RBFOX3: variants seen among roughly 807,000 people sequenced by gnomAD.
RBFOX3 encodes RNA binding protein fox-1 homolog 3.
A neutral mutation model predicts 48.7 loss-of-function variants in RBFOX3; 17 were observed. The ratio of observed to expected loss-of-function variants is 0.35; its 90% confidence interval spans 0.24 to 0.52. RBFOX3 has a LOEUF of 0.52. Among genes scored for constraint, RBFOX3 ranks in the 20% least tolerant of loss-of-function variants. The pLI is 0.94. For missense variants in RBFOX3, 382 were observed against 497.5 expected (o/e 0.77, Z 2.21); for synonymous variants, 212 against 209.5 (o/e 1.01, Z -0.10).
intron 2 of RBFOX3, among the ~76,000 whole-genome samples, chr17:79,456,184 T>C (rs2074460169): frequency 6.6e-6 from 1 of 152,144 alleles, no homozygotes; most frequent in Non-Finnish European, 1.5e-5. Flanking sequence ...AGCCTGTTCC[T>C]CTCTCACGCA....
At chr17:79,601,602 G>T (rs1049357903) in intron 1 of RBFOX3, 2 of 152,128 alleles carry the variant, frequency 1.3e-5, no homozygotes, top group Non-Finnish European at 2.9e-5. Context: ...ATCCTTGGGG[G>T]CTGAAATTTT....
At chr17:79,425,884 T>C (rs1325587655) in intron 2 of RBFOX3, among the ~76,000 whole-genome samples, 3 of 151,808 alleles carry the variant, frequency 2.0e-5, no homozygotes, top group Non-Finnish European at 4.4e-5. Flanking sequence ...CTTCCAGGGA[T>C]CTTGCTGCAA....
intron 5 of RBFOX3, among the ~76,000 whole-genome samples, chr17:79,108,645 C>A (rs1005293183): frequency 6.6e-6 from 1 of 152,256 alleles, no homozygotes; most frequent in Non-Finnish European, 1.5e-5. Context: ...GTCCGGCTGT[C>A]GCCGCCCCCA....
chr17:79,524,094 G>A (rs1309546065), intron 1 of RBFOX3, among the ~76,000 whole-genome samples: 3 of 152,148 alleles, frequency 2.0e-5, no homozygotes, highest in South Asian at 2.1e-4. Context: ...TTGAAGTCCC[G>A]CATTCTATGA....
At chr17:79,170,367 G>A (rs1369502209) in intron 4 of RBFOX3, among the ~76,000 whole-genome samples, 1 of 152,122 alleles carries the variant, frequency 6.6e-6, no homozygotes, top group South Asian at 2.1e-4. Flanking sequence ...GGACCTGAGA[G>A]TCCCCTGCCA....
At chr17:79,424,228 G>A (rs1428171571) in intron 2 of RBFOX3, 2 of 152,348 alleles carry the variant, frequency 1.3e-5, no homozygotes, top group East Asian at 1.9e-4. Flanking sequence ...CACACAGTAG[G>A]GGCTCTCCCA....
intron 2 of RBFOX3, among the ~76,000 whole-genome samples, chr17:79,430,482 A>G (rs1414156609): frequency 6.6e-6 from 1 of 152,134 alleles, no homozygotes; most frequent in African/African-American, 2.4e-5. Context: ...AGTATCAAAT[A>G]CGCTTTTGCA....
In RBFOX3 at chr17:79,554,459, C is replaced by CCCCCGACCTGG. The variant is rs2091443297; in HGVS notation, c.-320+56366_-320+56367insCCAGGTCGGGG. On this transcript the variant is annotated intron_variant, in intron 1 of 14. Coordinates refer to ENST00000693108, the MANE Select transcript of RBFOX3 (RefSeq NM_001350451.2). ...CCCTCTCCATCTTCACTCACAGTCA[C>CCCCCGACCTGG]CCCTCACCTGGCCCTCTCCATCTTC... 1.4e-3 allele frequency among the ~76,000 whole-genome samples: 190 copies of CCCCCGACCTGG among 136,814 alleles called. 10 individuals are homozygous for CCCCCGACCTGG. The highest frequency in any genetic ancestry group is 0.011 in the Middle Eastern group (3 of 270). 89.8% of individuals were successfully genotyped at this position (136,814 alleles called of 152,430 possible). A position where few individuals can be genotyped will look rare whatever the true frequency, so the allele number is the denominator to read the frequency against.
At chr17:79,232,845 A>C (rs1320749352) in intron 4 of RBFOX3, among the ~76,000 whole-genome samples, 1 of 152,254 alleles carries the variant, frequency 6.6e-6, no homozygotes, top group Non-Finnish European at 1.5e-5. Context: ...AAATGGCTAA[A>C]GTTATGAAGA....
At chr17:79,468,500 T>C (rs112605946) in intron 2 of RBFOX3, among the ~76,000 whole-genome samples, 10,186 of 152,052 alleles carry the variant, frequency 0.067, 1,099 homozygotes, top group African/African-American at 0.23. Context: ...GGATGATAGA[T>C]AGATGCATAC....
chr17:79,205,854 C>A lies in RBFOX3; in HGVS notation c.-34+29912G>T, dbSNP rs1211739994. On this transcript the variant is annotated intron_variant, in intron 4 of 14. Coordinates refer to ENST00000693108, the MANE Select transcript of RBFOX3 (RefSeq NM_001350451.2). This position sits in a 1 kb window ranked among gnomAD's most constrained non-coding sequence, Gnocchi z 4.5. ...AGCAGTTGGCTTTTTTTTTTTTTTT[C>A]CTTAAAGTAGTTTGCTTTTACATAG... Among the ~76,000 whole-genome samples the A allele has an allele frequency of 7.6e-6, 1 of 132,266 alleles. No homozygotes were observed. Among genetic ancestry groups the A allele is most frequent in the Non-Finnish European group, 1.6e-5 (1 of 61,992 alleles). The allele number at this position is 132,266 out of a possible 152,430, so 86.8% of individuals were successfully genotyped here. A position where few individuals can be genotyped will look rare whatever the true frequency, so the allele number is the denominator to read the frequency against.
chr17:79,107,245 G>A (rs569521132), intron 5 of RBFOX3, among the ~76,000 whole-genome samples: 2 of 152,166 alleles, frequency 1.3e-5, no homozygotes, highest in Admixed American at 6.5e-5. Context: ...CCGAGGGTCC[G>A]CCTGTCCGAA....
At chr17:79,427,900 ACTT>A (rs2067683975) in intron 2 of RBFOX3, among the ~76,000 whole-genome samples, 1 of 152,204 alleles carries the variant, frequency 6.6e-6, no homozygotes, top group Non-Finnish European at 1.5e-5. Flanking sequence ...TCTCCCAGCC[ACTT>A]CTTTTCCAAA....
intron 2 of RBFOX3, among the ~76,000 whole-genome samples, chr17:79,385,613 C>A (rs1322837566): frequency 6.6e-6 from 1 of 152,212 alleles, no homozygotes; most frequent in Non-Finnish European, 1.5e-5. Flanking sequence ...ACCACGTGTG[C>A]TGCTCCCTCA....
intron 4 of RBFOX3, among the ~76,000 whole-genome samples, chr17:79,118,546 T>C (rs552329118): frequency 1.3e-4 from 20 of 151,982 alleles, no homozygotes; most frequent in African/African-American, 3.9e-4. Context: ...AGAGAAAGTG[T>C]GGAAGGCACA....
chr17:79,563,049 C>A (rs2092309205), intron 1 of RBFOX3, among the ~76,000 whole-genome samples: 1 of 152,238 alleles, frequency 6.6e-6, no homozygotes, highest in African/African-American at 2.4e-5. Context: ...GGCCCCTGCG[C>A]AGCAGCAGAG....
At chr17:79,456,729 C>T (rs869442) in intron 2 of RBFOX3, among the ~76,000 whole-genome samples, 76,828 of 151,934 alleles carry the variant, frequency 0.51, 20,561 homozygotes, top group Non-Finnish European at 0.59. Flanking sequence ...TGATTCAAAC[C>T]CCCCAGGGCC....
At chr17:79,606,783 C>T (rs1478373117) in intron 1 of RBFOX3, among the ~76,000 whole-genome samples, 2 of 152,166 alleles carry the variant, frequency 1.3e-5, no homozygotes, top group African/African-American at 4.8e-5. Context: ...CTTGCATGCC[C>T]GCCATGCAAC....
the RBFOX3 span, among the ~76,000 whole-genome samples, chr17:79,632,011 G>A: frequency 6.6e-6 from 1 of 152,208 alleles, no homozygotes; most frequent in Non-Finnish European, 1.5e-5. Context: ...CCTGGCAGCC[G>A]ATGTGCCGTG....
Sources: allele counts gnomAD v4.1 joint callset (sites outside exome capture counted in the v4.1 genomes callset), GRCh38; gene constraint gnomAD v4.1.1; non-coding constraint Gnocchi (gnomAD v3.1); transcripts MANE v1.5; gene names NCBI Gene and HGNC (gene_info 2026-07-23, HGNC 2026-07-21).